Variants in HYPK observed in about 807,000 individuals in gnomAD.
HYPK encodes huntingtin-interacting protein K.
In HYPK, 9 loss-of-function variants were observed where a neutral mutation model predicts 13.9. The observed-to-expected ratio is 0.65, with a 90% CI of 0.39 to 1.13. The LOEUF (loss-of-function observed/expected upper bound fraction) is 1.13, where lower values mean the gene tolerates loss of function less well. HYPK is among the 50% of genes most tolerant of loss of function. The pLI is 0.01. For missense variants in HYPK, 138 were observed against 157.6 expected (o/e 0.88, Z 0.67); for synonymous variants, 76 against 57.0 (o/e 1.33, Z -1.50).
intron 1 of HYPK, 107 bp downstream of exon 1, chr15:43,800,891 G>A: frequency 1.7e-6 from 2 of 1,165,306 alleles, no homozygotes; most frequent in Non-Finnish European, 2.4e-6. Context: ...CCGTTGGCAG[G>A]AGGAGGCAAT....
Position 43,800,680 on chromosome 15 carries a change from C to T in HYPK, c.58C>T (p.Arg20Trp), listed in dbSNP as rs774842805. Residue 20 changes from arginine (R) to tryptophan (W), a missense_variant, in exon 1 of 4, where the codon CGG (arginine) becomes TGG (tryptophan). By Grantham distance (101) the Arg-to-Trp change is moderately radical. Around this residue, in one of 3 missense-constraint regions of HYPK, gnomAD observed 43 missense variants for 30.4 expected, o/e 1.41. Transcript: ENST00000442995. ...GGAGACTGAGACCAGTGGACCAGAG[C>T]GGCCTCCGGAGAAGCCACGGAAACA... is the stretch of plus-strand genomic sequence containing the variant. ...ELETETSGPERPPEKPRKHDS... is the reference protein window; with the variant it reads ...ELETETSGPEWPPEKPRKHDS... The T allele has an allele frequency of 6.2e-7, 1 of 1,614,020 alleles. No homozygotes were observed. The highest frequency in any genetic ancestry group is 8.5e-7 in the Non-Finnish European group (1 of 1,179,986).
rs113386586 is a variant in HYPK, at chr15:43,803,232, T to TAA, written c.*1438_*1439dup. On this transcript the variant is annotated 3_prime_UTR_variant, in exon 4 of 4. Transcript: ENST00000442995. ...AGCATGACCTTGTCTCTACTAAAAT[T>TAA]AAAAAAAAAAAAAGCCAGGCATGGT... Among the ~76,000 whole-genome samples the TAA allele has an allele frequency of 1.4e-4, 16 of 114,746 alleles. No individual in the cohort carries two copies. In the South Asian group the frequency reaches 4.4e-3, roughly 31 times the overall value. The allele number at this position is 114,746 out of a possible 152,430, so 75.3% of individuals were successfully genotyped here.
At chr15:43,801,011 C>A in intron 1 of HYPK, 121 bp from the exon 2 acceptor site, 2 of 959,362 alleles carry the variant, frequency 2.1e-6, no homozygotes, top group Non-Finnish European at 3.4e-6. Flanking sequence ...TAAACATAGT[C>A]CTTGCTACCT....
Position 43,801,910 on chromosome 15 carries a change from A to G in HYPK, c.*104A>G. The G allele has an allele frequency of 1.2e-6, 1 of 855,752 alleles. No individual in the cohort carries two copies. The allele number at this position is 855,752 out of a possible 1,614,324, so 53.0% of individuals were successfully genotyped here. On this transcript the variant is annotated 3_prime_UTR_variant, in exon 4 of 4. Transcript: ENST00000442995. ...TTGGGTCAAGTAGAGTGTATACTAT[A>G]TCCTATGTTGTGGAGAATTTATATG...
chr15:43,801,022 G>C, intron 1 of HYPK, 110 bp from the exon 2 acceptor site: 1 of 1,011,092 alleles, frequency 9.9e-7, no homozygotes, highest in South Asian at 1.3e-5. Flanking sequence ...CTTGCTACCT[G>C]GTAACACTTG....
At chr15:43,800,564 T>A (rs1300106516), upstream of HYPK, 2 of 1,609,622 alleles carry the variant, frequency 1.2e-6, no homozygotes, top group Non-Finnish European at 1.7e-6. Context: ...GCGGAAGCTG[T>A]GTCAGTTGCC....
In HYPK at chr15:43,801,711, A is replaced by G. The variant is rs201828726; in HGVS notation, c.271A>G (p.Met91Val). The G allele has an allele frequency of 4.6e-5, 75 of 1,614,034 alleles. No homozygotes were observed. The highest frequency in any genetic ancestry group is 6.0e-5 in the Non-Finnish European group (71 of 1,180,000). The change falls in exon 4 of 4, where the codon ATG becomes GTG. Residue 91 changes from methionine (M) to valine (V), a missense_variant and splice_region_variant. Physicochemically the swap from Met to Val is conservative, Grantham distance 21. Around this residue, in one of 3 missense-constraint regions of HYPK, gnomAD observed 91 missense variants for 96.8 expected, o/e 0.94. Transcript: ENST00000442995. ...TIKKEDLELI[M>V]TEMEISRAAA... The stretch of plus-strand genomic sequence containing the variant: ...TATGTAACATGATTTTTTTCTGCAG[A>G]TGACTGAGATGGAGATATCTCGAGC...
In HYPK at chr15:43,804,321, TA is replaced by T. The variant is rs144429412; in HGVS notation, c.*2518del. Among the ~76,000 whole-genome samples, 1,009 of 152,258 alleles carry T rather than the reference TA, an allele frequency of 6.6e-3. 18 individuals carry two copies. The highest frequency in any genetic ancestry group is 0.041 in the East Asian group (211 of 5,174). ...TGCATTCATTTTTATCGTACGACACTAAACTATTTGATTCTTCCAGTGGGAC... is the reference window on the plus strand; with the variant it reads ...TGCATTCATTTTTATCGTACGACACTAACTATTTGATTCTTCCAGTGGGAC... On this transcript the variant is annotated 3_prime_UTR_variant, in exon 4 of 4. Transcript: ENST00000442995.
At chr15:43,800,590 GT>G (rs776494744), upstream of HYPK, 85 of 1,613,562 alleles carry the variant, frequency 5.3e-5, no homozygotes, top group Non-Finnish European at 7.0e-5. Flanking sequence ...TCGGCGTGAG[GT>G]GGGGCTTATG....
At chr15:43,801,610 T>C (rs779456221) in intron 3 of HYPK, 41 bp downstream of exon 3, 2 of 1,606,326 alleles carry the variant, frequency 1.2e-6, no homozygotes, top group Non-Finnish European at 1.7e-6. Context: ...GAGGGGAGGC[T>C]ATTCTGCTTA....
chr15:43,800,900 A>G lies in HYPK; in HGVS notation c.162+116A>G, dbSNP rs934469460. On this transcript the variant is annotated intron_variant, in intron 1 of 3. Coordinates refer to ENST00000442995, the MANE Select transcript of HYPK (RefSeq NM_016400.4). The stretch of plus-strand genomic sequence containing the variant: ...CTGATCCCGTTGGCAGGAGGAGGCA[A>G]TAGGGTAGAGCCGAGGGAAACAGCG... 12 of 1,093,570 alleles carry G rather than the reference A, an allele frequency of 1.1e-5. No individual in the cohort carries two copies. In the East Asian group the frequency reaches 2.0e-4, roughly 19 times the overall value. The allele number at this position is 1,093,570 out of a possible 1,614,324, so 67.7% of individuals were successfully genotyped here. A position where few individuals can be genotyped will look rare whatever the true frequency, so the allele number is the denominator to read the frequency against.
At position 43,801,685 on chromosome 15, in the gene HYPK, C is replaced by CA. The variant is rs2087318231; in HGVS notation, c.271-26_271-25insA. 4 of 1,612,940 alleles carry CA rather than the reference C, an allele frequency of 2.5e-6. No individual in the cohort carries two copies. In the South Asian group the frequency reaches 4.4e-5, roughly 18 times the overall value. ...TGGTGGCACATTAATGCCTGGGAACCTATGTAACATGATTTTTTTCTGCAG... is the reference window on the plus strand; with the variant it reads ...TGGTGGCACATTAATGCCTGGGAACCATATGTAACATGATTTTTTTCTGCAG... On this transcript the variant is annotated intron_variant, in intron 3 of 3. Transcript: ENST00000442995.
chr15:43,801,322 T>C, intron 2 of HYPK, 135 bp downstream of exon 2: 1 of 907,120 alleles, frequency 1.1e-6, no homozygotes, highest in South Asian at 1.5e-5. Flanking sequence ...CGCCACAACT[T>C]TACTCTTGTT....
chr15:43,801,897 G>GAGTGTATA lies in HYPK; in HGVS notation c.*92_*99dup. On this transcript the variant is annotated 3_prime_UTR_variant, in exon 4 of 4. Transcript: ENST00000442995. ...CAGTTTTATCATCTTGGGTCAAGTAGAGTGTATACTATATCCTATGTTGTG... is the reference window on the plus strand; with the variant it reads ...CAGTTTTATCATCTTGGGTCAAGTAGAGTGTATAAGTGTATACTATATCCTATGTTGTG... 1.0e-6 allele frequency: 1 copy of GAGTGTATA among 968,286 alleles called. No individual in the cohort carries two copies. The highest frequency in any genetic ancestry group is 1.6e-6 in the Non-Finnish European group (1 of 610,122). The allele number at this position is 968,286 out of a possible 1,614,324, so 60.0% of individuals were successfully genotyped here.
chr15:43,801,694 A>G lies in HYPK; in HGVS notation c.271-17A>G, dbSNP rs376590472. The G allele has an allele frequency of 6.9e-5, 112 of 1,613,918 alleles. No homozygotes were observed. Among genetic ancestry groups the G allele is most frequent in the Non-Finnish European group, 9.1e-5 (107 of 1,179,894 alleles). ...ATTAATGCCTGGGAACCTATGTAAC[A>G]TGATTTTTTTCTGCAGATGACTGAG... On this transcript the variant is annotated splice_polypyrimidine_tract_variant and intron_variant, in intron 3 of 3. Coordinates refer to ENST00000442995, the MANE Select transcript of HYPK (RefSeq NM_016400.4).
rs527350413 is a variant in HYPK at position 43,802,582 on chromosome 15, A to G, written c.*776A>G. 29 of 150,964 alleles carry G rather than the reference A, an allele frequency of 1.9e-4. No individual in the cohort carries two copies. The highest frequency in any genetic ancestry group is 7.4e-4 in the Admixed American group (11 of 14,808). The allele number at this position is 150,964 out of a possible 1,614,324, so 9.4% of individuals were successfully genotyped here. A position where few individuals can be genotyped will look rare whatever the true frequency, so the allele number is the denominator to read the frequency against. On this transcript the variant is annotated 3_prime_UTR_variant, in exon 4 of 4. Coordinates refer to ENST00000442995, the MANE Select transcript of HYPK (RefSeq NM_016400.4). ...GAAACTCCATCTCAAAAAAAAAAAA[A>G]AAAAAAAAAGCCCGGGCACAGTGGC...
In HYPK at chr15:43,802,877, C is replaced by CA. The variant is rs1453383491; in HGVS notation, c.*1076dup. On this transcript the variant is annotated 3_prime_UTR_variant, in exon 4 of 4. Transcript: ENST00000442995. ...CCTGGGTGACAGAGCGAGACTGTCT[C>CA]AAAAACAAAACAACAAAAAAGAATT... is the stretch of plus-strand genomic sequence containing the variant. 10 of 151,886 alleles carry CA rather than the reference C, an allele frequency of 6.6e-5. No individual in the cohort carries two copies. Among genetic ancestry groups the CA allele is most frequent in the Admixed American group, 6.6e-4 (10 of 15,200 alleles). The allele number at this position is 151,886 out of a possible 1,614,324, so 9.4% of individuals were successfully genotyped here.
rs1483710703 is a variant in HYPK, at chr15:43,804,168, C to T, written c.*2362C>T. ...AGGACACTCAAATGGCAATTACAGACATTTCTCCAAGAGTTTCAAGGCCTT... is the reference window on the plus strand; with the variant it reads ...AGGACACTCAAATGGCAATTACAGATATTTCTCCAAGAGTTTCAAGGCCTT... On this transcript the variant is annotated 3_prime_UTR_variant, in exon 4 of 4. Coordinates refer to ENST00000442995, the MANE Select transcript of HYPK (RefSeq NM_016400.4). Among the ~76,000 whole-genome samples, 2 of 152,124 alleles carry T rather than the reference C, an allele frequency of 1.3e-5. No individual in the cohort carries two copies. Among genetic ancestry groups the T allele is most frequent in the African/African-American group, 4.8e-5 (2 of 41,416 alleles).
Position 43,802,724 on chromosome 15 carries a change from A to T in HYPK, c.*918A>T, listed in dbSNP as rs1335686668. On this transcript the variant is annotated 3_prime_UTR_variant, in exon 4 of 4. Coordinates refer to ENST00000442995, the MANE Select transcript of HYPK (RefSeq NM_016400.4). ...CTGTCTCTACTAAAAATACAAAAAA[A>T]ATAAAATTAGCCAGGCGTGGTGGTG... is the stretch of plus-strand genomic sequence containing the variant. 1.3e-5 allele frequency: 2 copies of T among 151,904 alleles called. No homozygotes were observed. Among genetic ancestry groups the T allele is most frequent in the Admixed American group, 1.3e-4 (2 of 15,216 alleles). The allele number at this position is 151,904 out of a possible 1,614,324, so 9.4% of individuals were successfully genotyped here. A position where few individuals can be genotyped will look rare whatever the true frequency, so the allele number is the denominator to read the frequency against.
Sources: allele counts gnomAD v4.1 joint callset (sites outside exome capture counted in the v4.1 genomes callset), GRCh38; gene constraint gnomAD v4.1.1; regional missense constraint gnomAD v4.1.1; transcripts MANE v1.5; gene names NCBI Gene and HGNC (gene_info 2026-07-23, HGNC 2026-07-21).